The following TRPV4 variants were observed in gnomAD, a reference collection of about 807,000 sequenced individuals.
TRPV4 encodes the protein transient receptor potential cation channel subfamily V member 4, also known as OSM9-like transient receptor potential channel 4.
TRPV4 carries 58 observed loss-of-function variants against 84.1 expected under a neutral mutation model. The ratio of observed to expected loss-of-function variants is 0.69; its 90% CI spans 0.56 to 0.86. The LOEUF (loss-of-function observed/expected upper bound fraction) is 0.86, where lower values mean the gene tolerates loss of function less well. Ranked by LOEUF, TRPV4 falls within the 40% of genes least tolerant of loss-of-function variation. The pLI is 0.00. For missense variants in TRPV4, 879 were observed against 1,181.1 expected, an observed-to-expected ratio of 0.74 and a Z score of 3.75; for synonymous variants, 489 against 500.9, an observed-to-expected ratio of 0.98 and a Z score of 0.32.
chr12:109,783,565 A>G lies in TRPV4; in HGVS notation c.*56T>C. ...GGGGACACCCCAGAAGGCACTGCTG[A>G]AATGCGGCTGGACTAGAAATGAGTG... On this transcript the variant is annotated 3_prime_UTR_variant, in exon 16 of 16. Coordinates refer to ENST00000261740, the MANE Select transcript of TRPV4 (RefSeq NM_021625.5). This position sits in a 1 kb window ranked among gnomAD's most constrained non-coding sequence, Gnocchi z 4.6. The G allele has an allele frequency of 6.3e-7, 1 of 1,587,248 alleles. No individual in the cohort carries two copies. The highest frequency in any genetic ancestry group is 8.6e-7 in the Non-Finnish European group (1 of 1,165,252).
chr12:109,829,133 C>T (rs546996082), intron 1 of TRPV4, among the ~76,000 whole-genome samples: 8 of 152,068 alleles, frequency 5.3e-5, no homozygotes, highest in Non-Finnish European at 7.3e-5. Context: ...GATCACACCA[C>T]TGCATTCCAG....
chr12:109,802,460 C>A (rs1044211260), intron 4 of TRPV4, among the ~76,000 whole-genome samples: 4 of 151,904 alleles, frequency 2.6e-5, no homozygotes, highest in African/African-American at 9.7e-5. Flanking sequence ...CACCACCACG[C>A]CTGGCTAATT....
intron 1 of TRPV4, among the ~76,000 whole-genome samples, chr12:109,832,948 A>G (rs1248733893): frequency 1.3e-5 from 2 of 152,036 alleles, no homozygotes; most frequent in Non-Finnish European, 2.9e-5. Context: ...CCAGACTCCA[A>G]ATTCCCTCCG....
chr12:109,805,744 A>G (rs1891079838), intron 3 of TRPV4, among the ~76,000 whole-genome samples: 1 of 152,136 alleles, frequency 6.6e-6, no homozygotes. Flanking sequence ...GTCTCCCTCT[A>G]TGCACATACG....
intron 1 of TRPV4, among the ~76,000 whole-genome samples, chr12:109,816,839 T>C (rs1198623239): frequency 6.6e-6 from 1 of 152,184 alleles, no homozygotes; most frequent in East Asian, 1.9e-4. Context: ...CATCTGTAAA[T>C]AGAGTGGGAC....
intron 1 of TRPV4, among the ~76,000 whole-genome samples, chr12:109,816,606 C>T (rs1891857225): frequency 6.6e-6 from 1 of 152,072 alleles, no homozygotes; most frequent in Non-Finnish European, 1.5e-5. Context: ...GGCAAAACCC[C>T]GTCTCTATAA....
In TRPV4 at chr12:109,815,452, T is replaced by G. The variant is rs571993870; in HGVS notation, c.-31-625A>C. On this transcript the variant is annotated intron_variant, in intron 1 of 15. Coordinates refer to ENST00000261740, the MANE Select transcript of TRPV4 (RefSeq NM_021625.5). This position sits in a 1 kb window ranked among gnomAD's most constrained non-coding sequence, Gnocchi z 4.1. ...TTTTCCTCATCAAACACTGTCATGA[T>G]GAACCCATTTTACAGAACAGGAAAC... 3.0e-4 allele frequency among the ~76,000 whole-genome samples: 45 copies of G among 152,344 alleles called. No individual in the cohort carries two copies. Among genetic ancestry groups the G allele is most frequent in the African/African-American group, 9.4e-4 (39 of 41,590 alleles).
chr12:109,800,846 G>A, intron 4 of TRPV4, 88 bp from the exon 5 acceptor site: 10 of 360,938 alleles, frequency 2.8e-5, no homozygotes, highest in Non-Finnish European at 3.0e-5. Context: ...GCAGGACGTA[G>A]AAATTGGGGG....
intron 1 of TRPV4, among the ~76,000 whole-genome samples, chr12:109,817,737 C>T (rs1420262920): frequency 1.3e-5 from 2 of 152,244 alleles, no homozygotes; most frequent in African/African-American, 4.8e-5. Context: ...TCATCCAGCC[C>T]TCATCATGAC....
chr12:109,820,516 A>ATTTTTTTTTTTTT (rs1166251387), intron 1 of TRPV4, among the ~76,000 whole-genome samples: 7 of 92,396 alleles, frequency 7.6e-5, no homozygotes, highest in African/African-American at 3.5e-4. Context: ...CAGCTGCCCT[A>ATTTTTTTTTTTTT]TTTTTTTTTT....
At position 109,808,373 on chromosome 12, in the gene TRPV4, C is replaced by T; in HGVS notation, c.482G>A (p.Gly161Asp). The T allele has an allele frequency of 6.2e-7, 1 of 1,614,210 alleles. No individual in the cohort carries two copies. The highest frequency in any genetic ancestry group is 8.5e-7 in the Non-Finnish European group (1 of 1,180,034). The change falls in exon 3 of 16, where the codon GGC becomes GAC. Residue 161 changes from glycine (G) to aspartate (D), a missense_variant. This residue lies in a region of TRPV4 where 521 missense variants were observed against 686.6 expected (regional missense o/e 0.76). Transcript: ENST00000261740. ...CAGCCCGTCCAGGTCAGCAGTGGAG[C>T]CCCGGGACACGATGTCAAAGAGGAT... is the stretch of plus-strand genomic sequence containing the variant. ...RPILFDIVSRGSTADLDGLLP... is the reference protein window; with the variant it reads ...RPILFDIVSRDSTADLDGLLP...
intron 12 of TRPV4, among the ~76,000 whole-genome samples, chr12:109,791,571 C>T (rs1015692903): frequency 6.7e-6 from 1 of 149,858 alleles, no homozygotes; most frequent in African/African-American, 2.5e-5. Context: ...CAACCTCCAC[C>T]CCCTGGGTTC....
chr12:109,788,343 C>A, intron 13 of TRPV4, 57 bp downstream of exon 13: 1 of 1,547,420 alleles, frequency 6.5e-7, no homozygotes, highest in Non-Finnish European at 8.8e-7. Context: ...TCGGGTGGGT[C>A]TCCTCGGAAG....
chr12:109,822,042 A>T (rs1465761427), intron 1 of TRPV4, among the ~76,000 whole-genome samples: 1 of 152,008 alleles, frequency 6.6e-6, no homozygotes, highest in Admixed American at 6.6e-5. Flanking sequence ...CAGAATCCTG[A>T]TGGGGAGGGG....
At chr12:109,802,844 A>G in intron 4 of TRPV4, 147 bp downstream of exon 4, 1 of 779,958 alleles carries the variant, frequency 1.3e-6, no homozygotes, top group South Asian at 1.5e-5. Context: ...CCATGCATCC[A>G]TCCATCCATC....
intron 14 of TRPV4, among the ~76,000 whole-genome samples, chr12:109,784,758 C>T (rs1889573527): frequency 6.7e-6 from 1 of 148,506 alleles, no homozygotes; most frequent in African/African-American, 2.5e-5. Flanking sequence ...GCAGGAAAAT[C>T]ACTTGAACCT....
chr12:109,789,596 A>G (rs1279847662), intron 12 of TRPV4, among the ~76,000 whole-genome samples: 1 of 152,174 alleles, frequency 6.6e-6, no homozygotes, highest in African/African-American at 2.4e-5. Flanking sequence ...GTGGAGCTTC[A>G]GATTCCTTCT....
At chr12:109,808,514 C>A in intron 2 of TRPV4, 46 bp from the exon 3 acceptor site, 4 of 1,578,026 alleles carry the variant, frequency 2.5e-6, no homozygotes, top group Non-Finnish European at 3.5e-6. Flanking sequence ...TCATCCCCTG[C>A]CTGCCCCACT....
At chr12:109,799,412 G>T (rs1890634623) in intron 5 of TRPV4, among the ~76,000 whole-genome samples, 1 of 152,074 alleles carries the variant, frequency 6.6e-6, no homozygotes, top group African/African-American at 2.4e-5. Flanking sequence ...GCCTCCCAAA[G>T]TGCTGGGATT....
Sources: allele counts gnomAD v4.1 joint callset (sites outside exome capture counted in the v4.1 genomes callset), GRCh38; gene constraint gnomAD v4.1.1; regional missense constraint gnomAD v4.1.1; non-coding constraint Gnocchi (gnomAD v3.1); transcripts MANE v1.5; gene names NCBI Gene and HGNC (gene_info 2026-07-23, HGNC 2026-07-21).